Variants in RGS7 observed in about 807,000 individuals in gnomAD.
RGS7 encodes the protein regulator of G protein signaling 7, also known as regulator of G-protein signaling 7.
A neutral mutation model predicts 81.1 loss-of-function variants in RGS7; 27 were observed. The ratio of observed to expected loss-of-function variants is 0.33; its 90% confidence interval spans 0.25 to 0.46. The LOEUF (loss-of-function observed/expected upper bound fraction) is 0.46. Ranked by LOEUF, RGS7 falls within the 20% of genes least tolerant of loss-of-function variation. RGS7 has a pLI of 1.00. For synonymous variants in RGS7, 208 were observed against 207.7 expected (o/e 1.00, Z -0.01); for missense variants, 396 against 607.4 (o/e 0.65, Z 3.66).
At chr1:240,854,226 G>A (rs1016934595) in intron 9 of RGS7, among the ~76,000 whole-genome samples, 2 of 152,146 alleles carry the variant, frequency 1.3e-5, no homozygotes, top group African/African-American at 4.8e-5. Flanking sequence ...TTTGATCATG[G>A]GAAAAGACGG....
At chr1:240,982,945 A>C (rs1490697348) in intron 4 of RGS7, 134 bp downstream of exon 4, 1 of 599,078 alleles carries the variant, frequency 1.7e-6, no homozygotes, top group East Asian at 2.8e-5. Context: ...TATAAATGTT[A>C]AAAGCACAGT....
At chr1:240,989,263 C>A (rs936788069) in intron 3 of RGS7, among the ~76,000 whole-genome samples, 1 of 151,124 alleles carries the variant, frequency 6.6e-6, no homozygotes, top group Non-Finnish European at 1.5e-5. Context: ...CATGGTGACA[C>A]CCTGTCTCTA....
intron 5 of RGS7, among the ~76,000 whole-genome samples, chr1:240,932,222 T>G (rs1203919755): frequency 1.3e-5 from 2 of 152,172 alleles, no homozygotes; most frequent in Non-Finnish European, 2.9e-5. Flanking sequence ...TACCCTCCGT[T>G]CTTTCTTGGG....
At chr1:240,960,875 G>T (rs936473139) in intron 4 of RGS7, among the ~76,000 whole-genome samples, 1 of 152,158 alleles carries the variant, frequency 6.6e-6, no homozygotes, top group Non-Finnish European at 1.5e-5. Context: ...CATTAAAAAT[G>T]TTACTAATGA....
chr1:241,242,819 T>G (rs888386005), intron 2 of RGS7, among the ~76,000 whole-genome samples: 3 of 152,224 alleles, frequency 2.0e-5, no homozygotes, highest in Non-Finnish European at 4.4e-5. Context: ...GTTCACTTTT[T>G]GATGAGATTG....
intron 2 of RGS7, among the ~76,000 whole-genome samples, chr1:241,295,164 T>G (rs528532416): frequency 6.6e-6 from 1 of 152,260 alleles, no homozygotes; most frequent in Non-Finnish European, 1.5e-5. Flanking sequence ...TAGATATGTT[T>G]GCGGCCGGGT....
intron 2 of RGS7, among the ~76,000 whole-genome samples, chr1:241,296,820 A>C (rs1247075310): frequency 1.3e-5 from 2 of 152,238 alleles, no homozygotes; most frequent in Non-Finnish European, 2.9e-5. Flanking sequence ...TACTGGAATG[A>C]TGAAATCTGT....
At chr1:241,199,246 A>G (rs1414109920) in intron 2 of RGS7, among the ~76,000 whole-genome samples, 1 of 152,070 alleles carries the variant, frequency 6.6e-6, no homozygotes, top group Non-Finnish European at 1.5e-5. Context: ...CATGAAGTCA[A>G]GAGATCAAGA....
chr1:241,182,463 A>G (rs1039149086), intron 2 of RGS7, among the ~76,000 whole-genome samples: 8 of 152,168 alleles, frequency 5.3e-5, no homozygotes, highest in Non-Finnish European at 1.2e-4. Context: ...CGTCAATGTT[A>G]GTGTGGCTAT....
Position 240,885,580 on chromosome 1 carries a change from G to A in RGS7, c.386-15461C>T, listed in dbSNP as rs185693956. Among the ~76,000 whole-genome samples the A allele has an allele frequency of 2.5e-4, 38 of 152,298 alleles. 1 individual carries two copies. The East Asian group carries it at 3.1e-3, about 12-fold the overall frequency. ...ACGATGCAGCCATGAGAAAGAATGA[G>A]ATCATGTCTTTTGAGGGAACATGGA... On this transcript the variant is annotated intron_variant, in intron 6 of 18. Coordinates refer to ENST00000440928, the MANE Select transcript of RGS7 (RefSeq NM_001364886.1).
intron 2 of RGS7, among the ~76,000 whole-genome samples, chr1:241,218,864 G>A (rs1420614001): frequency 6.6e-6 from 1 of 152,028 alleles, no homozygotes; most frequent in Non-Finnish European, 1.5e-5. Flanking sequence ...TGGCAAGACT[G>A]GTCTTGAACT....
intron 9 of RGS7, among the ~76,000 whole-genome samples, chr1:240,862,102 C>G (rs188830914): frequency 6.6e-6 from 1 of 152,204 alleles, no homozygotes; most frequent in Admixed American, 6.5e-5. Context: ...GCAATTCTGT[C>G]TGGAGTCCTT....
At chr1:240,814,676 T>C (rs772486879) in intron 12 of RGS7, 40 bp downstream of exon 12, 1 of 1,276,096 alleles carries the variant, frequency 7.8e-7, no homozygotes, top group Non-Finnish European at 1.1e-6. Context: ...AATTGTCATA[T>C]GAAATTTTAA....
At chr1:241,181,063 G>T (rs2071574690) in intron 2 of RGS7, among the ~76,000 whole-genome samples, 1 of 152,188 alleles carries the variant, frequency 6.6e-6, no homozygotes, top group South Asian at 2.1e-4. Flanking sequence ...GAGAGGGATG[G>T]ATGAATCGGC....
chr1:240,937,789 T>G (rs1047513428), intron 4 of RGS7, among the ~76,000 whole-genome samples: 2 of 152,234 alleles, frequency 1.3e-5, no homozygotes, highest in Non-Finnish European at 2.9e-5. Context: ...AAGGACCATG[T>G]ATGCTGCACT....
At chr1:241,218,445 T>C (rs2074702076) in intron 2 of RGS7, among the ~76,000 whole-genome samples, 1 of 152,226 alleles carries the variant, frequency 6.6e-6, no homozygotes, top group Admixed American at 6.5e-5. Flanking sequence ...AAAATCATTT[T>C]TGTGTGTTCA....
At chr1:241,269,255 C>A (rs2077747934) in intron 2 of RGS7, among the ~76,000 whole-genome samples, 1 of 152,222 alleles carries the variant, frequency 6.6e-6, no homozygotes, top group Non-Finnish European at 1.5e-5. Context: ...GATAGGAGGG[C>A]TGTGGAGGTG....
chr1:240,967,575 G>C (rs925081483), intron 4 of RGS7, among the ~76,000 whole-genome samples: 4 of 131,046 alleles, frequency 3.1e-5, no homozygotes, highest in Non-Finnish European at 5.2e-5. Flanking sequence ...AAGTGGGGGG[G>C]GGGGGGAAAA....
Position 241,029,789 on chromosome 1 carries a change from G to T in RGS7, c.176-46660C>A, listed in dbSNP as rs372801566. On this transcript the variant is annotated intron_variant, in intron 3 of 18. Transcript: ENST00000440928. Reference sequence around the variant, plus strand: ...TACACAAATATACAATATAGAAATGGTTGCTTATGTGCATTAGATCTGATG... The same window carrying T: ...TACACAAATATACAATATAGAAATGTTTGCTTATGTGCATTAGATCTGATG... Among the ~76,000 whole-genome samples the T allele has an allele frequency of 9.9e-5, 15 of 152,262 alleles. 1 individual carries two copies. The East Asian group carries it at 2.9e-3, about 29-fold the overall frequency.
Sources: allele counts gnomAD v4.1 joint callset (sites outside exome capture counted in the v4.1 genomes callset), GRCh38; gene constraint gnomAD v4.1.1; transcripts MANE v1.5; gene names NCBI Gene and HGNC (gene_info 2026-07-23, HGNC 2026-07-21).